DOCK4: variants seen among roughly 807,000 people sequenced by gnomAD.
DOCK4 encodes the protein dedicator of cytokinesis 4, also known as dedicator of cytokinesis protein 4.
A neutral mutation model predicts 268.1 loss-of-function variants in DOCK4; 97 were observed. The observed-to-expected ratio is 0.36, with a 90% confidence interval of 0.31 to 0.43. The LOEUF (loss-of-function observed/expected upper bound fraction) is 0.43, where lower values mean the gene tolerates loss of function less well. Ranked by LOEUF, DOCK4 falls within the 20% of genes least tolerant of loss-of-function variation. The probability of loss-of-function intolerance (pLI) is 1.00; values close to 1 mark genes in which losing one functional copy is unlikely to be tolerated. For synonymous variants in DOCK4, 954 were observed against 887.2 expected, an observed-to-expected ratio of 1.08 and a Z score of -1.34; for missense variants, 2,145 against 2,455.7, an observed-to-expected ratio of 0.87 and a Z score of 2.67.
At chr7:112,160,054 C>T (rs1160600514) in intron 1 of DOCK4, among the ~76,000 whole-genome samples, 5 of 151,864 alleles carry the variant, frequency 3.3e-5, no homozygotes, top group Admixed American at 6.6e-5. Context: ...AAATATAATG[C>T]AAATATTTAA....
chr7:112,008,925 G>A (rs1801074256), intron 1 of DOCK4, among the ~76,000 whole-genome samples: 2 of 152,162 alleles, frequency 1.3e-5, no homozygotes, highest in South Asian at 2.1e-4. Flanking sequence ...CCCGGGAGGC[G>A]GAGGTTGCAG....
intron 25 of DOCK4, among the ~76,000 whole-genome samples, chr7:111,836,074 G>A (rs994010356): frequency 2.4e-4 from 37 of 152,144 alleles, no homozygotes; most frequent in African/African-American, 8.7e-4. Context: ...AAAGTTTAAA[G>A]GCAATATTAT....
chr7:111,861,848 T>G (rs112617675), intron 23 of DOCK4, among the ~76,000 whole-genome samples: 12 of 151,660 alleles, frequency 7.9e-5, no homozygotes, highest in African/African-American at 2.4e-4. Context: ...ATTTAAAAAT[T>G]TGTAAAGAAG....
chr7:112,135,390 T>C (rs1271579825), intron 1 of DOCK4, among the ~76,000 whole-genome samples: 1 of 151,408 alleles, frequency 6.6e-6, no homozygotes, highest in African/African-American at 2.4e-5. Flanking sequence ...CCTGATGCAG[T>C]ACCATACACA....
intron 8 of DOCK4, among the ~76,000 whole-genome samples, chr7:111,946,208 A>C (rs1795606489): frequency 6.6e-6 from 1 of 152,230 alleles, no homozygotes; most frequent in South Asian, 2.1e-4. Flanking sequence ...AGATATTTTG[A>C]GTGCTAACTA....
chr7:112,128,677 G>A (rs371890511), intron 1 of DOCK4, among the ~76,000 whole-genome samples: 12 of 152,086 alleles, frequency 7.9e-5, no homozygotes, highest in Admixed American at 3.9e-4. Context: ...GATTAAGGGC[G>A]GTGCAAGATG....
At chr7:111,855,606 T>A (rs1804937005) in intron 23 of DOCK4, among the ~76,000 whole-genome samples, 1 of 152,066 alleles carries the variant, frequency 6.6e-6, no homozygotes, top group Non-Finnish European at 1.5e-5. Flanking sequence ...GAAATATAAA[T>A]GTGAGAGTTA....
intron 1 of DOCK4, among the ~76,000 whole-genome samples, chr7:112,085,160 T>C (rs1282160013): frequency 1.3e-5 from 2 of 152,116 alleles, no homozygotes; most frequent in East Asian, 1.9e-4. Flanking sequence ...AGATTTAACA[T>C]GGTAACATTT....
At position 112,073,691 on chromosome 7, in the gene DOCK4, G is replaced by T. The variant is rs562705476; in HGVS notation, c.38-69560C>A. Among the ~76,000 whole-genome samples the T allele has an allele frequency of 1.6e-3, 242 of 152,108 alleles. 4 individuals are homozygous for T. The highest frequency in any genetic ancestry group is 6.8e-3 in the Middle Eastern group (2 of 294). On this transcript the variant is annotated intron_variant, in intron 1 of 52. Transcript: ENST00000428084. Reference sequence around the variant, plus strand: ...CACCACATGATCTCACTTATCTATGGGAGCTAAAAATAATTTTGAACACAT... The same window carrying T: ...CACCACATGATCTCACTTATCTATGTGAGCTAAAAATAATTTTGAACACAT...
At chr7:112,055,196 T>C (rs1487037554) in intron 1 of DOCK4, among the ~76,000 whole-genome samples, 1 of 152,250 alleles carries the variant, frequency 6.6e-6, no homozygotes, top group African/African-American at 2.4e-5. Flanking sequence ...AACTTCTAAA[T>C]AATGACCTAA....
At chr7:112,155,075 C>T (rs988580) in intron 1 of DOCK4, among the ~76,000 whole-genome samples, 76,251 of 151,946 alleles carry the variant, frequency 0.5, 19,302 homozygotes, top group East Asian at 0.69. Context: ...AATTTATTGA[C>T]GAAGAAACTG....
chr7:111,986,333 C>T (rs139868192), intron 6 of DOCK4, among the ~76,000 whole-genome samples: 4 of 152,298 alleles, frequency 2.6e-5, no homozygotes, highest in African/African-American at 9.6e-5. Context: ...GCCTCAGAAA[C>T]CTGTAATCTA....
chr7:112,012,538 A>G (rs950639310), intron 1 of DOCK4, among the ~76,000 whole-genome samples: 7 of 152,224 alleles, frequency 4.6e-5, no homozygotes, highest in African/African-American at 1.7e-4. Flanking sequence ...TACAGTCTTC[A>G]TGTCCCAGTG....
intron 1 of DOCK4, among the ~76,000 whole-genome samples, chr7:112,112,908 TC>T (rs979690892): frequency 1.3e-5 from 2 of 152,158 alleles, no homozygotes; most frequent in African/African-American, 4.8e-5. Flanking sequence ...AATTCTTGTA[TC>T]CCTGACCTCA....
intron 1 of DOCK4, among the ~76,000 whole-genome samples, chr7:112,113,584 A>G (rs1253530206): frequency 6.6e-6 from 1 of 151,818 alleles, no homozygotes; most frequent in Non-Finnish European, 1.5e-5. Flanking sequence ...ATGTATGTAT[A>G]TATTTCAGAG....
At chr7:111,783,989 A>T in intron 33 of DOCK4, 37 bp from the exon 34 acceptor site, 2 of 1,573,040 alleles carry the variant, frequency 1.3e-6, no homozygotes, top group Non-Finnish European at 1.7e-6. Flanking sequence ...TTCAACATTT[A>T]TTTTTATCAG....
chr7:111,922,712 G>GT (rs1451094047), intron 12 of DOCK4, among the ~76,000 whole-genome samples: 1 of 152,190 alleles, frequency 6.6e-6, no homozygotes, highest in African/African-American at 2.4e-5. Context: ...CTCCTTAGCA[G>GT]TTGGGACTAC....
intron 1 of DOCK4, among the ~76,000 whole-genome samples, chr7:112,050,903 T>G (rs1805293103): frequency 6.6e-6 from 1 of 152,166 alleles, no homozygotes; most frequent in Non-Finnish European, 1.5e-5. Flanking sequence ...GCTTAGTATT[T>G]CAAAGTTAAT....
intron 30 of DOCK4, among the ~76,000 whole-genome samples, chr7:111,799,300 A>G (rs1800107247): frequency 6.6e-6 from 1 of 152,230 alleles, no homozygotes; most frequent in Admixed American, 6.5e-5. Flanking sequence ...ATGTGCTCAG[A>G]TATTGTTTTC....
Sources: gnomAD v4.1 joint callset for allele counts (sites outside exome capture counted in the v4.1 genomes callset) on GRCh38, gnomAD v4.1.1 for gene constraint, MANE v1.5 for transcripts, NCBI Gene and HGNC (gene_info 2026-07-23, HGNC 2026-07-21) for gene names.